Variants in TOPAZ1 observed in about 807,000 individuals in gnomAD.
TOPAZ1 encodes protein TOPAZ1.
Under a neutral mutation model 172.2 loss-of-function variants are expected in TOPAZ1, and 66 were observed. That is an observed-to-expected ratio of 0.38 (90% CI 0.31 to 0.47). The LOEUF (loss-of-function observed/expected upper bound fraction) is 0.47, where lower values mean the gene tolerates loss of function less well. TOPAZ1 is among the 20% of genes least tolerant of loss of function. The probability of loss-of-function intolerance (pLI) is 0.99; values close to 1 mark genes in which losing one functional copy is unlikely to be tolerated. For missense variants in TOPAZ1, 1,822 were observed against 1,972.4 expected (o/e 0.92, Z 1.44); for synonymous variants, 681 against 683.9 (o/e 1.00, Z 0.07).
chr3:44,298,626 A>G (rs1312872093), intron 12 of TOPAZ1, among the ~76,000 whole-genome samples: 1 of 151,664 alleles, frequency 6.6e-6, no homozygotes, highest in African/African-American at 2.4e-5. Context: ...AATATGTTCA[A>G]TTGATTTTAT....
chr3:44,308,189 C>T (rs1444710804), intron 15 of TOPAZ1, among the ~76,000 whole-genome samples: 4 of 151,976 alleles, frequency 2.6e-5, no homozygotes, highest in African/African-American at 7.2e-5. Flanking sequence ...ACCCGGGAGG[C>T]GGAGGTTGCA....
At chr3:44,311,551 A>G (rs867559488) in intron 16 of TOPAZ1, among the ~76,000 whole-genome samples, 9 of 152,316 alleles carry the variant, frequency 5.9e-5, no homozygotes, top group Admixed American at 3.9e-4. Flanking sequence ...TTTAAATTTC[A>G]ATGTTTCCGT....
chr3:44,309,958 G>A lies in TOPAZ1; in HGVS notation c.4274G>A (p.Gly1425Glu). ...NVAAEIFLKS[G>E]SLDGAIWVMR... The stretch of plus-strand genomic sequence containing the variant: ...GCAGCAGAAATTTTTCTAAAAAGTG[G>A]AAGCCTAGATGGTGCCATTTGGGTA... The change falls in exon 16 of 20, where the codon GGA becomes GAA. Residue 1425 changes from glycine to glutamate, a missense_variant. By Grantham distance (98) the Gly-to-Glu change is moderately conservative (BLOSUM62 -2). Around this residue, in one of 2 missense-constraint regions of TOPAZ1, gnomAD observed 333 missense variants for 481.7 expected, o/e 0.69. Coordinates refer to ENST00000309765, the MANE Select transcript of TOPAZ1 (RefSeq NM_001145030.2). 1 of 1,551,508 alleles carries A rather than the reference G, an allele frequency of 6.4e-7. No individual in the cohort carries two copies. The highest frequency in any genetic ancestry group is 8.7e-7 in the Non-Finnish European group (1 of 1,146,930).
chr3:44,282,294 A>G (rs1041910736), intron 9 of TOPAZ1, among the ~76,000 whole-genome samples: 3 of 152,192 alleles, frequency 2.0e-5, no homozygotes, highest in African/African-American at 7.2e-5. Flanking sequence ...AGAAAATGGT[A>G]TTGTTAATTA....
In TOPAZ1 at chr3:44,244,205, T is replaced by A; in HGVS notation, c.1699T>A (p.Ser567Thr). 1 of 1,550,082 alleles carries A rather than the reference T, an allele frequency of 6.5e-7. No homozygotes were observed. Among genetic ancestry groups the A allele is most frequent in the South Asian group, 1.2e-5 (1 of 83,634 alleles). Residue 567 changes from serine to threonine, a missense_variant, in exon 2 of 20, where the codon TCT (serine) becomes ACT (threonine). By Grantham distance (58) the Ser-to-Thr change is moderately conservative (BLOSUM62 1). Transcript: ENST00000309765. ...TESSSKEKLD[S>T]NSNCLSSVSA... ...ATCTTCAAGTAAAGAAAAATTAGAT[T>A]CTAATTCTAATTGTTTGTCTTCAGT...
At chr3:44,285,130 A>T (rs1390001865) in intron 9 of TOPAZ1, among the ~76,000 whole-genome samples, 1 of 152,166 alleles carries the variant, frequency 6.6e-6, no homozygotes, top group African/African-American at 2.4e-5. Context: ...TCTGGTGAGT[A>T]ATTGGTAAAG....
chr3:44,257,469 AGTGTGTGTGTGTGT>A lies in TOPAZ1; in HGVS notation c.2955+1219_2955+1232del, dbSNP rs10523650. Among the ~76,000 whole-genome samples, 43 of 113,860 alleles carry A rather than the reference AGTGTGTGTGTGTGT, an allele frequency of 3.8e-4. 1 individual carries two copies. Among genetic ancestry groups the A allele is most frequent in the African/African-American group, 1.2e-3 (34 of 27,678 alleles). The allele number at this position is 113,860 out of a possible 152,430, so 74.7% of individuals were successfully genotyped here. A position where few individuals can be genotyped will look rare whatever the true frequency, so the allele number is the denominator to read the frequency against. On this transcript the variant is annotated intron_variant, in intron 4 of 19. Transcript: ENST00000309765. ...GTGTATCTATTTTATATATATATAT[AGTGTGTGTGTGTGT>A]GTGTGTGTGTGTGTGTGTGTGTGTG...
intron 12 of TOPAZ1, among the ~76,000 whole-genome samples, chr3:44,291,910 TCTTGGTTCTGTGTCC>T (rs1700142789): frequency 6.6e-6 from 1 of 152,164 alleles, no homozygotes; most frequent in Admixed American, 6.5e-5. Flanking sequence ...TCCCAAACTT[TCTTGGTTCTGTGTCC>T]CTAGGCCAAA....
intron 5 of TOPAZ1, among the ~76,000 whole-genome samples, chr3:44,266,158 T>C (rs1189318581): frequency 6.6e-6 from 1 of 152,214 alleles, no homozygotes; most frequent in Non-Finnish European, 1.5e-5. Flanking sequence ...AGCTTTCTTA[T>C]CACTCTCAGC....
chr3:44,254,203 G>A (rs1699667480), intron 2 of TOPAZ1, among the ~76,000 whole-genome samples: 2 of 152,268 alleles, frequency 1.3e-5, no homozygotes, highest in South Asian at 4.1e-4. Flanking sequence ...AACCCAGACT[G>A]GTCTAACTCT....
Position 44,243,172 on chromosome 3 carries a change from C to T in TOPAZ1, c.666C>T (p.Ser222=), listed in dbSNP as rs1432925904. 1.4e-5 allele frequency: 22 copies of T among 1,549,206 alleles called. No homozygotes were observed. Among genetic ancestry groups the T allele is most frequent in the Non-Finnish European group, 1.7e-5 (20 of 1,146,050 alleles). Residue 222 remains serine, a synonymous_variant, in exon 2 of 20, where the codon TCC becomes TCT. Coordinates refer to ENST00000309765, the MANE Select transcript of TOPAZ1 (RefSeq NM_001145030.2). ...NILSPEVENN[S]VLKLRDCNCF... ...TGTCACCTGAAGTAGAAAATAATTCCGTTTTAAAATTACGTGATTGCAATT... is the reference window on the plus strand; with the variant it reads ...TGTCACCTGAAGTAGAAAATAATTCTGTTTTAAAATTACGTGATTGCAATT...
rs748283005 is a variant in TOPAZ1 at position 44,287,830 on chromosome 3, C to A, written c.3672C>A (p.Ile1224=). 8 of 1,421,128 alleles carry A rather than the reference C, an allele frequency of 5.6e-6. No individual in the cohort carries two copies. The highest frequency in any genetic ancestry group is 4.6e-5 in the Admixed American group (2 of 43,608). 88.0% of individuals were successfully genotyped at this position (1,421,128 alleles called of 1,614,324 possible). ...LRNAVPALID[I]FCKLVEAGMV... The stretch of plus-strand genomic sequence containing the variant: ...ATGCTGTACCTGCTTTAATTGATAT[C>A]TTTTGCAAGGTATGGTTTTATTTTC... The change falls in exon 11 of 20, where the codon ATC becomes ATA. Residue 1224 remains isoleucine, a synonymous_variant. Coordinates refer to ENST00000309765, the MANE Select transcript of TOPAZ1 (RefSeq NM_001145030.2).
chr3:44,283,133 T>C (rs1205143252), intron 9 of TOPAZ1, among the ~76,000 whole-genome samples: 3 of 152,018 alleles, frequency 2.0e-5, no homozygotes, highest in Non-Finnish European at 4.4e-5. Context: ...ACAGGAAAAA[T>C]ACTTCTGAAT....
At chr3:44,291,115 C>G (rs1700132544) in intron 12 of TOPAZ1, among the ~76,000 whole-genome samples, 1 of 152,014 alleles carries the variant, frequency 6.6e-6, no homozygotes, top group Non-Finnish European at 1.5e-5. Flanking sequence ...TCCTGCTCAT[C>G]AAGTGTAAAA....
In TOPAZ1 at chr3:44,242,278, A is replaced by G. The variant is rs1575701240; in HGVS notation, c.225A>G (p.Gly75=). The G allele has an allele frequency of 6.4e-7, 1 of 1,550,500 alleles. No homozygotes were observed. The highest frequency in any genetic ancestry group is 8.7e-7 in the Non-Finnish European group (1 of 1,146,708). Residue 75 remains glycine, a synonymous_variant, in exon 1 of 20, where the codon GGA becomes GGG. Transcript: ENST00000309765. ...SDKSVAASGA[G]KAARRQVEGR... ...AGTCGGTTGCAGCATCAGGGGCTGG[A>G]AAGGCCGCAAGGCGTCAGGTGGAGG...
At chr3:44,304,428 T>A (rs1700311897) in intron 13 of TOPAZ1, among the ~76,000 whole-genome samples, 1 of 152,248 alleles carries the variant, frequency 6.6e-6, no homozygotes, top group Admixed American at 6.5e-5. Flanking sequence ...CATGGATGGC[T>A]ACAGTACATG....
Position 44,321,202 on chromosome 3 carries a change from T to A in TOPAZ1, c.4471+11T>A, listed in dbSNP as rs1700502935. 1.3e-6 allele frequency: 2 copies of A among 1,531,870 alleles called. No individual in the cohort carries two copies. The highest frequency in any genetic ancestry group is 3.4e-4 in the Middle Eastern group (2 of 5,848). 94.9% of individuals were successfully genotyped at this position (1,531,870 alleles called of 1,614,324 possible). Reference sequence around the variant, plus strand: ...TTCAAAATTCCCAAGGTATGTTTTTTAAAAGTCTATCTTAATTATCTCTTG... The same window carrying A: ...TTCAAAATTCCCAAGGTATGTTTTTAAAAAGTCTATCTTAATTATCTCTTG... On this transcript the variant is annotated intron_variant, in intron 17 of 19. Transcript: ENST00000309765.
chr3:44,252,799 G>C (rs1306994107), intron 2 of TOPAZ1, among the ~76,000 whole-genome samples: 1 of 143,296 alleles, frequency 7.0e-6, no homozygotes, highest in African/African-American at 2.5e-5. Context: ...CTGGAAAGGA[G>C]GGAGGCGTCT....
chr3:44,285,397 C>T (rs1262519963), intron 9 of TOPAZ1, among the ~76,000 whole-genome samples: 2 of 151,838 alleles, frequency 1.3e-5, no homozygotes, highest in Admixed American at 1.3e-4. Flanking sequence ...GCCCAGGAGG[C>T]AGAGGTTGCA....
Sources: allele counts gnomAD v4.1 joint callset (sites outside exome capture counted in the v4.1 genomes callset), GRCh38; gene constraint gnomAD v4.1.1; regional missense constraint gnomAD v4.1.1; transcripts MANE v1.5; gene names NCBI Gene and HGNC (gene_info 2026-07-23, HGNC 2026-07-21).